The following FHIT variants were observed in gnomAD, a reference collection of about 807,000 sequenced individuals.
FHIT encodes bis(5'-adenosyl)-triphosphatase.
In FHIT, 19 loss-of-function variants were observed where a neutral mutation model predicts 17.9. The observed-to-expected ratio is 1.06, with a 90% confidence interval of 0.74 to 1.56. FHIT has a LOEUF of 1.56. Ranked by LOEUF, FHIT falls within the 40% of genes most tolerant of loss-of-function variation. FHIT has a pLI of 0.00. For missense variants in FHIT, 248 were observed against 189.2 expected, an observed-to-expected ratio of 1.31 and a Z score of -1.82; for synonymous variants, 81 against 69.7, an observed-to-expected ratio of 1.16 and a Z score of -0.81.
At chr3:60,021,152 T>C (rs546189712) in intron 5 of FHIT, among the ~76,000 whole-genome samples, 137 of 152,320 alleles carry the variant, frequency 9.0e-4, no homozygotes, top group Middle Eastern at 3.4e-3. Flanking sequence ...CAGAGCTGGT[T>C]CTCAAGGCAA....
At chr3:61,120,846 G>GA (rs1352864605) in intron 2 of FHIT, among the ~76,000 whole-genome samples, 1 of 151,670 alleles carries the variant, frequency 6.6e-6, no homozygotes, top group Admixed American at 6.6e-5. Flanking sequence ...TAAGAAACTT[G>GA]AAAAAAGGTT....
intron 5 of FHIT, 111 bp from the exon 6 acceptor site, chr3:60,014,263 G>C (rs530905726): frequency 1.9e-6 from 2 of 1,028,516 alleles, no homozygotes; most frequent in Non-Finnish European, 2.8e-6. Context: ...AACTCTCAAA[G>C]ACTAAGGAAT....
At chr3:60,892,351 C>T (rs1035880867) in intron 3 of FHIT, among the ~76,000 whole-genome samples, 1 of 152,086 alleles carries the variant, frequency 6.6e-6, no homozygotes, top group Non-Finnish European at 1.5e-5. Flanking sequence ...TGACAGCTAC[C>T]CTTGCTCTCT....
At position 60,360,136 on chromosome 3, in the gene FHIT, T is replaced by C. The variant is rs577789062; in HGVS notation, c.103+176724A>G. Among the ~76,000 whole-genome samples the C allele has an allele frequency of 2.0e-5, 3 of 152,164 alleles. No individual in the cohort carries two copies. The East Asian group carries it at 5.8e-4, about 29-fold the overall frequency. Reference sequence around the variant, plus strand: ...CAAATACTAAGCTTTTTAGGACTTATATTAAACTCCATAATCTTAATATTT... The same window carrying C: ...CAAATACTAAGCTTTTTAGGACTTACATTAAACTCCATAATCTTAATATTT... On this transcript the variant is annotated intron_variant, in intron 5 of 9. Coordinates refer to ENST00000492590, the MANE Select transcript of FHIT (RefSeq NM_002012.4).
chr3:60,370,650 G>C (rs896708532), intron 5 of FHIT, among the ~76,000 whole-genome samples: 10 of 151,860 alleles, frequency 6.6e-5, no homozygotes, highest in Non-Finnish European at 1.3e-4. Flanking sequence ...CCTTTCATCT[G>C]TCTGATGCAT....
At chr3:60,965,344 C>T (rs1553782877) in intron 3 of FHIT, among the ~76,000 whole-genome samples, 2 of 152,174 alleles carry the variant, frequency 1.3e-5, no homozygotes, top group Non-Finnish European at 2.9e-5. Flanking sequence ...AATCTTTTTT[C>T]AAGGTTTTTA....
intron 5 of FHIT, among the ~76,000 whole-genome samples, chr3:60,465,441 G>A (rs9876434): frequency 0.14 from 21,781 of 151,996 alleles, 3,158 homozygotes; most frequent in African/African-American, 0.37. Context: ...TGTTTGTAGG[G>A]TATTACTCAA....
At chr3:60,207,638 C>G (rs535607988) in intron 5 of FHIT, among the ~76,000 whole-genome samples, 1 of 152,142 alleles carries the variant, frequency 6.6e-6, no homozygotes, top group Non-Finnish European at 1.5e-5. Flanking sequence ...TATGTGACTA[C>G]CGTGACACTC....
chr3:61,031,401 G>A (rs2033003222), intron 3 of FHIT, among the ~76,000 whole-genome samples: 1 of 152,128 alleles, frequency 6.6e-6, no homozygotes, highest in Non-Finnish European at 1.5e-5. Context: ...CAAAATCAGA[G>A]TTGCCCAATT....
chr3:61,030,294 C>A (rs1460741343), intron 3 of FHIT, among the ~76,000 whole-genome samples: 1 of 152,100 alleles, frequency 6.6e-6, no homozygotes, highest in Non-Finnish European at 1.5e-5. Context: ...TAACAAGAAC[C>A]CCAGGTAATT....
intron 8 of FHIT, among the ~76,000 whole-genome samples, chr3:59,808,979 A>G (rs920986185): frequency 6.6e-6 from 1 of 152,234 alleles, no homozygotes; most frequent in African/African-American, 2.4e-5. Flanking sequence ...CGGTGACTGA[A>G]GTATCATTTT....
chr3:61,056,624 G>T (rs1180449958), intron 2 of FHIT, among the ~76,000 whole-genome samples: 1 of 152,130 alleles, frequency 6.6e-6, no homozygotes, highest in Non-Finnish European at 1.5e-5. Context: ...CATGTAACAC[G>T]CCTTGGGAAG....
chr3:60,231,452 C>T (rs566508355), intron 5 of FHIT, among the ~76,000 whole-genome samples: 1 of 152,296 alleles, frequency 6.6e-6, no homozygotes, highest in African/African-American at 2.4e-5. Flanking sequence ...TCCAGGTACC[C>T]TCAAGGGTAA....
At chr3:60,903,857 C>G (rs1706250046) in intron 3 of FHIT, among the ~76,000 whole-genome samples, 1 of 152,138 alleles carries the variant, frequency 6.6e-6, no homozygotes. Flanking sequence ...AGCCTATATC[C>G]TCTGGAGGAT....
intron 8 of FHIT, among the ~76,000 whole-genome samples, chr3:59,846,184 G>A (rs1370076671): frequency 2.0e-5 from 3 of 151,788 alleles, no homozygotes; most frequent in African/African-American, 7.3e-5. Flanking sequence ...CTGTATTCCT[G>A]TCTTCTTTTG....
intron 8 of FHIT, among the ~76,000 whole-genome samples, chr3:59,859,806 A>T (rs1017829798): frequency 2.6e-5 from 4 of 152,222 alleles, no homozygotes; most frequent in Non-Finnish European, 4.4e-5. Context: ...ATGTTTCTGT[A>T]TAGCATCCTG....
chr3:60,419,417 G>A (rs1252255493), intron 5 of FHIT, among the ~76,000 whole-genome samples: 1 of 152,148 alleles, frequency 6.6e-6, no homozygotes, highest in East Asian at 1.9e-4. Context: ...GCAAGAGTTG[G>A]CACTTTCTGT....
chr3:60,947,855 G>T (rs1392915772), intron 3 of FHIT, among the ~76,000 whole-genome samples: 1 of 152,140 alleles, frequency 6.6e-6, no homozygotes, highest in Non-Finnish European at 1.5e-5. Context: ...GATATTTCTT[G>T]ACATTGCATT....
chr3:60,882,764 A>C (rs1705035513), intron 3 of FHIT, among the ~76,000 whole-genome samples: 1 of 152,180 alleles, frequency 6.6e-6, no homozygotes, highest in South Asian at 2.1e-4. Flanking sequence ...CATTATACTG[A>C]ACAGGGAATA....
Sources: gnomAD v4.1 joint callset for allele counts (sites outside exome capture counted in the v4.1 genomes callset) on GRCh38, gnomAD v4.1.1 for gene constraint, MANE v1.5 for transcripts, NCBI Gene and HGNC (gene_info 2026-07-23, HGNC 2026-07-21) for gene names.